Variants in EYS observed in about 807,000 individuals in gnomAD.
EYS encodes EGF-like photoreceptor maintenance factor.
A neutral mutation model predicts 282.1 loss-of-function variants in EYS; 250 were observed. The observed-to-expected ratio is 0.89, with a 90% CI of 0.80 to 0.98. The LOEUF (loss-of-function observed/expected upper bound fraction) is 0.98, where lower values mean the gene tolerates loss of function less well. EYS is among the 50% of genes least tolerant of loss of function. EYS has a pLI of 0.00. For synonymous variants in EYS, 1,355 were observed against 1,282.9 expected, an observed-to-expected ratio of 1.06 and a Z score of -1.20; for missense variants, 4,016 against 3,709.0, an observed-to-expected ratio of 1.08 and a Z score of -2.15.
At chr6:63,848,801 C>A (rs1287459596) in intron 36 of EYS, among the ~76,000 whole-genome samples, 1 of 152,126 alleles carries the variant, frequency 6.6e-6, no homozygotes, top group East Asian at 1.9e-4. Context: ...AGTTTTCATA[C>A]CCCAGTGGCA....
intron 12 of EYS, among the ~76,000 whole-genome samples, chr6:65,121,594 G>A (rs1305080531): frequency 6.6e-6 from 1 of 152,132 alleles, no homozygotes; most frequent in Admixed American, 6.6e-5. Context: ...ATTTTGGGGG[G>A]AGTGAGTGAT....
intron 31 of EYS, among the ~76,000 whole-genome samples, chr6:64,096,785 T>C (rs1033716887): frequency 2.0e-5 from 3 of 152,214 alleles, no homozygotes; most frequent in Admixed American, 6.5e-5. Context: ...CTTTGTTCCG[T>C]TGCTGGTGAC....
At chr6:65,286,569 T>A (rs2150279606) in intron 12 of EYS, among the ~76,000 whole-genome samples, 1 of 151,894 alleles carries the variant, frequency 6.6e-6, no homozygotes, top group Non-Finnish European at 1.5e-5. Flanking sequence ...TTAATGTTGA[T>A]AAAACTATAT....
chr6:65,325,082 G>C (rs565591514), intron 11 of EYS, among the ~76,000 whole-genome samples: 1 of 152,276 alleles, frequency 6.6e-6, no homozygotes, highest in East Asian at 1.9e-4. Flanking sequence ...AGCTGGCCCT[G>C]GTAACAAGGT....
At chr6:65,011,838 G>T (rs116230079) in intron 13 of EYS, among the ~76,000 whole-genome samples, 3 of 152,148 alleles carry the variant, frequency 2.0e-5, no homozygotes, top group Admixed American at 6.5e-5. Flanking sequence ...TCTGTTGCCC[G>T]AGAGCACAGC....
intron 5 of EYS, among the ~76,000 whole-genome samples, chr6:65,489,066 G>T (rs1231047218): frequency 1.3e-5 from 2 of 152,014 alleles, no homozygotes; most frequent in Non-Finnish European, 2.9e-5. Flanking sequence ...CATAGGCATG[G>T]GCAAAGACTT....
chr6:64,597,673 T>C lies in EYS; in HGVS notation c.3685-4364A>G, dbSNP rs572131230. On this transcript the variant is annotated intron_variant, in intron 24 of 42. Transcript: ENST00000503581. The stretch of plus-strand genomic sequence containing the variant: ...GCTAAATAATGTGTACATATGGACA[T>C]AGAGTGGAGAAAAATAAAAACTGGA... 6.4e-5 allele frequency among the ~76,000 whole-genome samples: 9 copies of C among 139,918 alleles called. No individual in the cohort carries two copies. The South Asian group carries it at 1.8e-3, about 28-fold the overall frequency. The allele number at this position is 139,918 out of a possible 152,430, so 91.8% of individuals were successfully genotyped here. A position where few individuals can be genotyped will look rare whatever the true frequency, so the allele number is the denominator to read the frequency against.
At chr6:64,606,387 T>C (rs1406709349) in intron 24 of EYS, among the ~76,000 whole-genome samples, 2 of 151,976 alleles carry the variant, frequency 1.3e-5, no homozygotes, top group Non-Finnish European at 2.9e-5. Flanking sequence ...TTGGACTGCA[T>C]ACCTTTATTT....
chr6:65,188,162 T>G (rs1464268692), intron 12 of EYS, among the ~76,000 whole-genome samples: 1 of 151,642 alleles, frequency 6.6e-6, no homozygotes, highest in East Asian at 1.9e-4. Context: ...GGAAGTTATA[T>G]CAAATATTTT....
chr6:64,613,462 T>C (rs1767173388), intron 24 of EYS, among the ~76,000 whole-genome samples: 1 of 152,094 alleles, frequency 6.6e-6, no homozygotes, highest in Non-Finnish European at 1.5e-5. Flanking sequence ...ATCTACACAA[T>C]AAGAGAAAAG....
chr6:64,431,895 A>G (rs1228932797), intron 28 of EYS, among the ~76,000 whole-genome samples: 1 of 152,132 alleles, frequency 6.6e-6, no homozygotes, highest in Non-Finnish European at 1.5e-5. Flanking sequence ...GCATCACTTG[A>G]GAAAATATCT....
intron 18 of EYS, among the ~76,000 whole-genome samples, chr6:64,891,073 T>C (rs1026382216): frequency 6.6e-6 from 1 of 151,920 alleles, no homozygotes; most frequent in Admixed American, 6.6e-5. Context: ...ATGTTGGGGG[T>C]CCCTGCTTTG....
chr6:64,782,918 G>A (rs981103993), intron 22 of EYS, among the ~76,000 whole-genome samples: 6 of 152,146 alleles, frequency 3.9e-5, no homozygotes, highest in African/African-American at 1.2e-4. Context: ...GCTTTCCATA[G>A]TTTAAATTAC....
intron 12 of EYS, among the ~76,000 whole-genome samples, chr6:65,293,180 G>T (rs1285030398): frequency 1.3e-5 from 2 of 151,224 alleles, no homozygotes; most frequent in African/African-American, 2.4e-5. Context: ...CGATAAACTT[G>T]CATGGTCTTA....
At chr6:65,023,364 C>T (rs1457944109) in intron 13 of EYS, among the ~76,000 whole-genome samples, 4 of 151,884 alleles carry the variant, frequency 2.6e-5, no homozygotes, top group African/African-American at 9.7e-5. Context: ...TATTTTTCTC[C>T]ACCACTGGAA....
rs367566527 is a variant in EYS at position 65,106,815 on chromosome 6, A to G, written c.2024-49088T>C. On this transcript the variant is annotated intron_variant, in intron 12 of 42. Transcript: ENST00000503581. ...AAATGCATTTTTGTAGATACTATAT[A>G]TATTCTAACAATGTAAATATATATG... Among the ~76,000 whole-genome samples the G allele has an allele frequency of 3.9e-5, 6 of 152,114 alleles. No homozygotes were observed. In the East Asian group the frequency reaches 9.6e-4, roughly 24 times the overall value.
rs1361430562 is a variant in EYS, at chr6:64,277,124, T to TA, written c.6191+29845dup. Among the ~76,000 whole-genome samples the TA allele has an allele frequency of 5.9e-5, 9 of 152,130 alleles. No individual in the cohort carries two copies. In the East Asian group the frequency reaches 1.7e-3, roughly 29 times the overall value. On this transcript the variant is annotated intron_variant, in intron 30 of 42. Coordinates refer to ENST00000503581, the MANE Select transcript of EYS (RefSeq NM_001142800.2). Reference sequence around the variant, plus strand: ...TCTCCAAATTCATCTTGTCCACAGATAGAGCATTGAGAACTTGTTAAAATC... The same window carrying TA: ...TCTCCAAATTCATCTTGTCCACAGATAAGAGCATTGAGAACTTGTTAAAATC...
chr6:64,075,134 T>C (rs1309974759), intron 32 of EYS, among the ~76,000 whole-genome samples: 1 of 151,980 alleles, frequency 6.6e-6, no homozygotes, highest in East Asian at 1.9e-4. Flanking sequence ...GAATTCCTCT[T>C]TCCTGGTTCC....
intron 27 of EYS, among the ~76,000 whole-genome samples, chr6:64,438,509 T>C (rs1357487794): frequency 6.6e-6 from 1 of 151,658 alleles, no homozygotes; most frequent in Non-Finnish European, 1.5e-5. Context: ...TTGAGGATCC[T>C]CTAAAAATAT....
Sources: allele counts gnomAD v4.1 joint callset (sites outside exome capture counted in the v4.1 genomes callset), GRCh38; gene constraint gnomAD v4.1.1; transcripts MANE v1.5; gene names NCBI Gene and HGNC (gene_info 2026-07-23, HGNC 2026-07-21).